NKAIN3: variants seen among roughly 807,000 people sequenced by gnomAD.
NKAIN3 encodes sodium/potassium transporting ATPase interacting 3.
Under a neutral mutation model 30.2 loss-of-function variants are expected in NKAIN3, and 25 were observed. The observed-to-expected ratio is 0.83, with a 90% CI of 0.60 to 1.16. NKAIN3 has a LOEUF of 1.16. Ranked by LOEUF, NKAIN3 falls within the 50% of genes most tolerant of loss-of-function variation. The pLI, the probability that NKAIN3 is intolerant of heterozygous loss-of-function variation, is 0.00. For missense variants in NKAIN3, 225 were observed against 254.1 expected, an observed-to-expected ratio of 0.89 and a Z score of 0.78; for synonymous variants, 91 against 89.6, an observed-to-expected ratio of 1.02 and a Z score of -0.09.
At chr8:62,373,689 A>G (rs1050172256) in intron 1 of NKAIN3, among the ~76,000 whole-genome samples, 1 of 152,232 alleles carries the variant, frequency 6.6e-6, no homozygotes, top group Non-Finnish European at 1.5e-5. Flanking sequence ...AAAGTTACAC[A>G]TCTATTGCAC....
At chr8:62,914,921 A>C (rs910557152) in intron 4 of NKAIN3, among the ~76,000 whole-genome samples, 6 of 152,046 alleles carry the variant, frequency 3.9e-5, no homozygotes, top group African/African-American at 1.4e-4. Flanking sequence ...CCCCACATGC[A>C]TTAGGTATTT....
At chr8:62,795,240 C>T (rs1184767185) in intron 4 of NKAIN3, among the ~76,000 whole-genome samples, 2 of 152,128 alleles carry the variant, frequency 1.3e-5, no homozygotes, top group Non-Finnish European at 2.9e-5. Flanking sequence ...TCTTCTCTTA[C>T]AAATGTAACA....
chr8:62,477,164 C>T (rs570875379), intron 1 of NKAIN3, among the ~76,000 whole-genome samples: 2 of 152,278 alleles, frequency 1.3e-5, no homozygotes, highest in South Asian at 4.1e-4. Context: ...TGTGTGGAAA[C>T]ACACATGGAG....
intron 1 of NKAIN3, among the ~76,000 whole-genome samples, chr8:62,523,829 G>T (rs1472667767): frequency 6.6e-6 from 1 of 152,146 alleles, no homozygotes; most frequent in Non-Finnish European, 1.5e-5. Flanking sequence ...CCTTTGGCGT[G>T]TACAGTGGAG....
intron 1 of NKAIN3, among the ~76,000 whole-genome samples, chr8:62,470,855 T>A (rs1000302841): frequency 6.6e-6 from 1 of 152,132 alleles, no homozygotes; most frequent in African/African-American, 2.4e-5. Context: ...CAACTTAGGT[T>A]CTATAAATAT....
chr8:62,581,346 G>A (rs1385495964), intron 2 of NKAIN3, among the ~76,000 whole-genome samples: 1 of 151,970 alleles, frequency 6.6e-6, no homozygotes, highest in Non-Finnish European at 1.5e-5. Flanking sequence ...CAGACTTTTT[G>A]TTTTATGATA....
chr8:62,483,723 T>G (rs1806808324), intron 1 of NKAIN3: 1 of 309,732 alleles, frequency 3.2e-6, no homozygotes, highest in Non-Finnish European at 6.4e-6. Flanking sequence ...ATAAATTAGC[T>G]TCTTCAACCT....
Position 62,973,987 on chromosome 8 carries a change from T to G in NKAIN3, c.*8580T>G, listed in dbSNP as rs2130916740. 6.6e-6 allele frequency among the ~76,000 whole-genome samples: 1 copy of G among 152,318 alleles called. No individual in the cohort carries two copies. ...ATCAGATGGTTGTAGATGTGTGGTG[T>G]TATTTCTGAGGCCTCTGTTCTGTTG... On this transcript the variant is annotated 3_prime_UTR_variant, in exon 7 of 7. Coordinates refer to ENST00000623646, the MANE Select transcript of NKAIN3 (RefSeq NM_001304533.3).
At chr8:62,671,916 AC>A (rs988709635) in intron 3 of NKAIN3, among the ~76,000 whole-genome samples, 1 of 152,066 alleles carries the variant, frequency 6.6e-6, no homozygotes, top group African/African-American at 2.4e-5. Flanking sequence ...CAAGAAGAAG[AC>A]CTAGGATTCG....
chr8:62,663,729 T>C (rs1393011606), intron 3 of NKAIN3, among the ~76,000 whole-genome samples: 1 of 152,222 alleles, frequency 6.6e-6, no homozygotes, highest in Non-Finnish European at 1.5e-5. Context: ...TTCTGCTTTT[T>C]TCCGATAGGC....
At chr8:62,423,592 A>G (rs1391755166) in intron 1 of NKAIN3, among the ~76,000 whole-genome samples, 3 of 151,956 alleles carry the variant, frequency 2.0e-5, no homozygotes, top group East Asian at 3.9e-4. Flanking sequence ...CTTTACTAAT[A>G]TAGAGCTATT....
chr8:62,436,150 A>G (rs1186317142), intron 1 of NKAIN3, among the ~76,000 whole-genome samples: 59 of 152,200 alleles, frequency 3.9e-4, no homozygotes, highest in Non-Finnish European at 1.2e-4. Flanking sequence ...CAAATATTAT[A>G]TATCTTACAG....
intron 3 of NKAIN3, among the ~76,000 whole-genome samples, chr8:62,742,131 T>C (rs199832205): frequency 4.0e-4 from 4 of 10,066 alleles, no homozygotes; most frequent in East Asian, 2.6e-3. Context: ...GTATATCTTA[T>C]ATATATATAT....
chr8:62,792,643 G>A (rs1817740945), intron 4 of NKAIN3, among the ~76,000 whole-genome samples: 1 of 152,098 alleles, frequency 6.6e-6, no homozygotes, highest in Non-Finnish European at 1.5e-5. Context: ...CTAACATAAA[G>A]TTAGAGGACC....
chr8:62,843,577 A>T (rs1157037237), intron 4 of NKAIN3, among the ~76,000 whole-genome samples: 2 of 151,894 alleles, frequency 1.3e-5, no homozygotes, highest in Non-Finnish European at 2.9e-5. Context: ...TCAAGTGATC[A>T]GCCCACCTCG....
At chr8:62,900,368 A>G (rs1042771612) in intron 4 of NKAIN3, among the ~76,000 whole-genome samples, 1 of 152,228 alleles carries the variant, frequency 6.6e-6, no homozygotes, top group Non-Finnish European at 1.5e-5. Flanking sequence ...GAATTACACC[A>G]TCATCCTGGG....
At chr8:62,413,236 GATT>G (rs1804320028) in intron 1 of NKAIN3, among the ~76,000 whole-genome samples, 1 of 152,326 alleles carries the variant, frequency 6.6e-6, no homozygotes, top group East Asian at 1.9e-4. Context: ...GCAGTTTGGA[GATT>G]TTTCTTAGAG....
chr8:62,994,795 C>T (rs1355146520), intron 5 of NKAIN3, among the ~76,000 whole-genome samples: 1 of 152,142 alleles, frequency 6.6e-6, no homozygotes, highest in Non-Finnish European at 1.5e-5. Context: ...TAGGTTTTCC[C>T]TTTACAAGGA....
chr8:62,584,066 G>C (rs1810397093), intron 2 of NKAIN3, among the ~76,000 whole-genome samples: 1 of 152,160 alleles, frequency 6.6e-6, no homozygotes, highest in African/African-American at 2.4e-5. Context: ...TGTCCCATTA[G>C]AGGCAGCAGC....
Sources: gnomAD v4.1 joint callset for allele counts (sites outside exome capture counted in the v4.1 genomes callset) on GRCh38, gnomAD v4.1.1 for gene constraint, MANE v1.5 for transcripts, NCBI Gene and HGNC (gene_info 2026-07-23, HGNC 2026-07-21) for gene names.